The following SLC4A4 variants were observed in gnomAD, a reference collection of about 807,000 sequenced individuals.
The protein encoded by SLC4A4 is electrogenic sodium bicarbonate cotransporter 1.
In SLC4A4, 27 loss-of-function variants were observed where a neutral mutation model predicts 111.5. The ratio of observed to expected loss-of-function variants is 0.24; its 90% CI spans 0.18 to 0.33. The LOEUF is 0.33. SLC4A4 is among the 10% of genes least tolerant of loss of function. SLC4A4 has a pLI of 1.00. For missense variants in SLC4A4, 909 were observed against 1,315.5 expected (o/e 0.69, Z 4.78); for synonymous variants, 443 against 463.4 (o/e 0.96, Z 0.57).
intron 2 of SLC4A4, among the ~76,000 whole-genome samples, chr4:71,122,884 G>A (rs757370319): frequency 2.6e-5 from 4 of 152,138 alleles, no homozygotes; most frequent in Admixed American, 1.3e-4. Flanking sequence ...CTAAGAAACA[G>A]TAAAGAAGGG....
At chr4:71,236,348 G>A in intron 1 of SLC4A4, 1 of 916,822 alleles carries the variant, frequency 1.1e-6, no homozygotes, top group South Asian at 1.8e-5. Context: ...ACCTGTCTAT[G>A]TGGGTGCCCT....
intron 21 of SLC4A4, among the ~76,000 whole-genome samples, chr4:71,555,620 G>A (rs185778249): frequency 3.3e-5 from 5 of 151,890 alleles, no homozygotes; most frequent in Admixed American, 6.6e-5. Context: ...CTTTTCACAT[G>A]GCTATGATCA....
intron 1 of SLC4A4, among the ~76,000 whole-genome samples, chr4:71,198,701 C>T (rs555723952): frequency 2.7e-4 from 41 of 152,126 alleles, no homozygotes; most frequent in Non-Finnish European, 5.1e-4. Flanking sequence ...TGCCTCATGC[C>T]TGTAATCCTT....
At chr4:71,350,210 T>A in intron 5 of SLC4A4, 138 bp downstream of exon 5, 1 of 850,036 alleles carries the variant, frequency 1.2e-6, no homozygotes, top group Non-Finnish European at 1.8e-6. Flanking sequence ...ATTATAACAT[T>A]AGTATGATTT....
intron 7 of SLC4A4, among the ~76,000 whole-genome samples, chr4:71,419,555 A>G (rs1722195370): frequency 6.6e-6 from 1 of 152,196 alleles, no homozygotes. Flanking sequence ...GGAAAAGTGC[A>G]GTATTTGAGT....
Position 71,340,862 on chromosome 4 carries a change from A to G in SLC4A4, c.389+1357A>G, listed in dbSNP as rs540307511. 3.9e-4 allele frequency among the ~76,000 whole-genome samples: 60 copies of G among 152,332 alleles called. 1 individual carries two copies. Among genetic ancestry groups the G allele is most frequent in the African/African-American group, 1.4e-3 (59 of 41,580 alleles). ...CATATATACATACATGTGTATATGT[A>G]TATGTATGAAAATGCTTTGTAAATT... On this transcript the variant is annotated intron_variant, in intron 4 of 25. Transcript: ENST00000264485.
chr4:71,456,780 G>C (rs545689079), intron 12 of SLC4A4, among the ~76,000 whole-genome samples: 1 of 152,282 alleles, frequency 6.6e-6, no homozygotes, highest in African/African-American at 2.4e-5. Context: ...ACCCCCAAGA[G>C]ATACCAGTAG....
chr4:71,439,470 A>G (rs867212304), intron 7 of SLC4A4, among the ~76,000 whole-genome samples: 36 of 136,630 alleles, frequency 2.6e-4, no homozygotes, highest in Middle Eastern at 3.6e-3. Context: ...AAAAAAAAAA[A>G]AGAAAAGAAA....
At chr4:71,284,096 T>A (rs1167201718) in intron 3 of SLC4A4, among the ~76,000 whole-genome samples, 3 of 152,216 alleles carry the variant, frequency 2.0e-5, no homozygotes, top group Non-Finnish European at 4.4e-5. Context: ...AGGTAAAAAT[T>A]AGCCTCTATC....
At chr4:71,490,032 A>G (rs1036348679) in intron 15 of SLC4A4, among the ~76,000 whole-genome samples, 2 of 151,814 alleles carry the variant, frequency 1.3e-5, no homozygotes, top group African/African-American at 4.8e-5. Context: ...AGGTTTTAAA[A>G]TTTCCATTTA....
chr4:71,226,811 G>A (rs1170271104), intron 1 of SLC4A4, among the ~76,000 whole-genome samples: 1 of 152,046 alleles, frequency 6.6e-6, no homozygotes, highest in Non-Finnish European at 1.5e-5. Flanking sequence ...TTTCTAACTG[G>A]TTGATTGACT....
chr4:71,424,214 T>C (rs1241380111), intron 7 of SLC4A4, among the ~76,000 whole-genome samples: 1 of 152,050 alleles, frequency 6.6e-6, no homozygotes, highest in African/African-American at 2.4e-5. Context: ...AGAAGACATT[T>C]ATGCAGCCAA....
At chr4:71,150,378 A>T (rs1744283160) in intron 2 of SLC4A4, among the ~76,000 whole-genome samples, 1 of 152,168 alleles carries the variant, frequency 6.6e-6, no homozygotes, top group Non-Finnish European at 1.5e-5. Flanking sequence ...GATGGTCTGC[A>T]AGTTGCCTTC....
intron 3 of SLC4A4, among the ~76,000 whole-genome samples, chr4:71,332,921 T>C (rs1377538610): frequency 1.3e-5 from 2 of 152,258 alleles, no homozygotes; most frequent in African/African-American, 4.8e-5. Context: ...ATTCCTTCTC[T>C]GTGTTATCTT....
intron 3 of SLC4A4, among the ~76,000 whole-genome samples, chr4:71,287,147 A>G (rs2149097978): frequency 6.6e-6 from 1 of 152,322 alleles, no homozygotes; most frequent in East Asian, 1.9e-4. Flanking sequence ...TAGGCAAGTT[A>G]CCAGTACACA....
chr4:71,193,916 C>T (rs373846534), intron 1 of SLC4A4, among the ~76,000 whole-genome samples: 7 of 152,298 alleles, frequency 4.6e-5, no homozygotes, highest in South Asian at 4.2e-4. Flanking sequence ...AGATTACAAA[C>T]ATTTTGAACT....
chr4:71,278,407 C>G (rs1022642556), intron 3 of SLC4A4, among the ~76,000 whole-genome samples: 3 of 152,138 alleles, frequency 2.0e-5, no homozygotes, highest in South Asian at 2.1e-4. Context: ...TATGTGAGTG[C>G]CAATATCCCT....
In SLC4A4 at chr4:71,440,621, G is replaced by C; in HGVS notation, c.813G>C (p.Lys271Asn). The C allele has an allele frequency of 3.1e-6, 5 of 1,614,112 alleles. No individual in the cohort carries two copies. Among genetic ancestry groups the C allele is most frequent in the Non-Finnish European group, 4.2e-6 (5 of 1,179,988 alleles). Residue 271 changes from lysine (K) to asparagine (N), a missense_variant, in exon 8 of 26, where the codon AAG (lysine) becomes AAC (asparagine). By Grantham distance (94) the Lys-to-Asn change is moderately conservative. This residue lies in a region of SLC4A4 where 312 missense variants were observed against 402.0 expected (regional missense o/e 0.78). Transcript: ENST00000264485. ...ISDKPEKDQLKNKFMKKLPRD... is the reference protein window; with the variant it reads ...ISDKPEKDQLNNKFMKKLPRD... ...CCTTGGTTCTTCTCATGCAGCTGAA[G>C]AATAAGTTCATGAAAAAATTGCCAC...
At position 71,146,313 on chromosome 4, in the gene SLC4A4, C is replaced by T. The variant is rs555928790; in HGVS notation, c.-2+53521C>T. On this transcript the variant is annotated intron_variant, in intron 2 of 26. Coordinates refer to the SLC4A4 transcript ENST00000649996. ...TTTGATTGCACTGTGGTCTGAGAGA[C>T]AGTTTGTTATAATTTCTGTTCTTTT... 3.2e-3 allele frequency among the ~76,000 whole-genome samples: 490 copies of T among 152,162 alleles called. 2 individuals carry two copies. The highest frequency in any genetic ancestry group is 0.011 in the African/African-American group (467 of 41,504).
Sources: gnomAD v4.1 joint callset for allele counts (sites outside exome capture counted in the v4.1 genomes callset) on GRCh38, gnomAD v4.1.1 for gene constraint, gnomAD v4.1.1 regional missense constraint, MANE v1.5 for transcripts, NCBI Gene and HGNC (gene_info 2026-07-23, HGNC 2026-07-21) for gene names.